Variants in ITFG1 observed in about 807,000 individuals in gnomAD.
ITFG1 encodes the protein integrin alpha FG-GAP repeat containing 1.
ITFG1 carries 34 observed loss-of-function variants against 81.8 expected under a neutral mutation model. The ratio of observed to expected loss-of-function variants is 0.42; its 90% CI spans 0.32 to 0.55. ITFG1 has a LOEUF of 0.55. ITFG1 is among the 20% of genes least tolerant of loss of function. The pLI is 0.17. For missense variants in ITFG1, 672 were observed against 755.4 expected (o/e 0.89, Z 1.29); for synonymous variants, 285 against 270.6 (o/e 1.05, Z -0.52).
intron 8 of ITFG1, among the ~76,000 whole-genome samples, chr16:47,362,198 C>T (rs563209501): frequency 6.6e-6 from 1 of 152,276 alleles, no homozygotes; most frequent in Admixed American, 6.5e-5. Context: ...AGCTCCGGCT[C>T]TCACCACCTC....
In ITFG1 at chr16:47,420,053, A is replaced by G. The variant is rs147543043; in HGVS notation, c.655+8751T>C. ...TGCAGCTCAATCCCAAAGTGCTGAG[A>G]TTACAGGCACGAGCCACCATGCCCT... On this transcript the variant is annotated intron_variant, in intron 6 of 17. Transcript: ENST00000320640. Among the ~76,000 whole-genome samples, 1,139 of 151,374 alleles carry G rather than the reference A, an allele frequency of 7.5e-3. 19 individuals carry two copies. Among genetic ancestry groups the G allele is most frequent in the African/African-American group, 0.026 (1,080 of 41,188 alleles).
At chr16:47,270,144 G>A (rs1360297480) in intron 10 of ITFG1, among the ~76,000 whole-genome samples, 1 of 152,116 alleles carries the variant, frequency 6.6e-6, no homozygotes, top group East Asian at 1.9e-4. Flanking sequence ...AAAACATTGT[G>A]TTAGGTAATG....
intron 6 of ITFG1, among the ~76,000 whole-genome samples, chr16:47,417,975 T>C (rs1014121680): frequency 6.6e-6 from 1 of 152,202 alleles, no homozygotes; most frequent in African/African-American, 2.4e-5. Context: ...ATAATGGCTG[T>C]ACTAATTTAC....
chr16:47,207,886 G>C (rs1567423661), intron 14 of ITFG1, among the ~76,000 whole-genome samples: 1 of 146,470 alleles, frequency 6.8e-6, no homozygotes, highest in Non-Finnish European at 1.5e-5. Flanking sequence ...GTACCAGACA[G>C]AGTGAAATCA....
At position 47,182,858 on chromosome 16, in the gene ITFG1, C is replaced by T. The variant is rs561420986; in HGVS notation, c.1454-20194G>A. Among the ~76,000 whole-genome samples the T allele has an allele frequency of 5.4e-4, 82 of 152,258 alleles. No individual in the cohort carries two copies. The South Asian group carries it at 0.011, about 21-fold the overall frequency. On this transcript the variant is annotated intron_variant, in intron 14 of 17. Transcript: ENST00000320640. ...ATTTCTGCATTTCCATCTGAGGTAC[C>T]GGGTTCATCTCACTAGGGAGTGCCA... is the stretch of plus-strand genomic sequence containing the variant.
intron 10 of ITFG1, among the ~76,000 whole-genome samples, chr16:47,261,351 TATA>T (rs1209431983): frequency 2.6e-5 from 4 of 152,230 alleles, no homozygotes; most frequent in Admixed American, 2.6e-4. Flanking sequence ...TTGTAAGCTG[TATA>T]ATAAGAGTAC....
intron 10 of ITFG1, among the ~76,000 whole-genome samples, chr16:47,261,285 T>C (rs1966206704): frequency 6.6e-6 from 1 of 152,218 alleles, no homozygotes; most frequent in Non-Finnish European, 1.5e-5. Context: ...GCTCTGTTAT[T>C]TAGCAGCTCT....
chr16:47,326,771 T>C (rs1177553227), intron 8 of ITFG1, among the ~76,000 whole-genome samples: 1 of 152,110 alleles, frequency 6.6e-6, no homozygotes, highest in Non-Finnish European at 1.5e-5. Context: ...TTACAAAGGA[T>C]GTGAAGGACC....
chr16:47,269,340 G>A (rs180719324), intron 10 of ITFG1, among the ~76,000 whole-genome samples: 1 of 151,854 alleles, frequency 6.6e-6, no homozygotes, highest in East Asian at 1.9e-4. Context: ...CAAGAACAAT[G>A]GAAACTGAAA....
At chr16:47,341,850 A>C (rs937990365) in intron 8 of ITFG1, among the ~76,000 whole-genome samples, 6 of 152,200 alleles carry the variant, frequency 3.9e-5, no homozygotes, top group Non-Finnish European at 8.8e-5. Flanking sequence ...AAAAATACTG[A>C]AATTACCTAA....
chr16:47,294,947 G>A (rs747446237), intron 10 of ITFG1, among the ~76,000 whole-genome samples: 6 of 152,116 alleles, frequency 3.9e-5, no homozygotes, highest in East Asian at 3.9e-4. Flanking sequence ...CCAGTTCTTC[G>A]GGGAAGAGCT....
chr16:47,171,184 T>G (rs1017011677), intron 14 of ITFG1, among the ~76,000 whole-genome samples: 1 of 151,960 alleles, frequency 6.6e-6, no homozygotes, highest in Non-Finnish European at 1.5e-5. Context: ...ATGGCTAATT[T>G]TTTTGTAGAG....
chr16:47,343,951 T>C (rs1472334079), intron 8 of ITFG1, among the ~76,000 whole-genome samples: 1 of 152,036 alleles, frequency 6.6e-6, no homozygotes, highest in African/African-American at 2.4e-5. Context: ...ATAATCAAAA[T>C]GGAAATGAAG....
At chr16:47,427,799 C>G (rs920574010) in intron 6 of ITFG1, among the ~76,000 whole-genome samples, 2 of 152,176 alleles carry the variant, frequency 1.3e-5, no homozygotes, top group Non-Finnish European at 1.5e-5. Flanking sequence ...CGGAGAAAAT[C>G]TGGGCATTTT....
rs1187875461 is a variant in ITFG1 at position 47,409,374 on chromosome 16, CTATA to C, written c.655+19426_655+19429del. ...ACATAACAAGACACATACACACACA[CTATA>C]TATATATATATATATATATATATAT... On this transcript the variant is annotated intron_variant, in intron 6 of 17. Transcript: ENST00000320640. 5.7e-3 allele frequency among the ~76,000 whole-genome samples: 119 copies of C among 20,986 alleles called. 5 individuals are homozygous for C. Among genetic ancestry groups the C allele is most frequent in the African/African-American group, 0.016 (59 of 3,754 alleles). 13.8% of individuals were successfully genotyped at this position (20,986 alleles called of 152,430 possible).
intron 10 of ITFG1, among the ~76,000 whole-genome samples, chr16:47,283,668 GCT>G (rs1275332368): frequency 1.3e-5 from 2 of 152,202 alleles, no homozygotes; most frequent in Admixed American, 1.3e-4. Context: ...AACAAGTGGT[GCT>G]AACACTTCGA....
chr16:47,327,972 G>A (rs1002785607), intron 8 of ITFG1, among the ~76,000 whole-genome samples: 4 of 152,230 alleles, frequency 2.6e-5, no homozygotes, highest in South Asian at 2.1e-4. Context: ...CCCATTACTG[G>A]CTATATACCC....
At chr16:47,372,419 A>C (rs1289403805) in intron 7 of ITFG1, among the ~76,000 whole-genome samples, 2 of 151,286 alleles carry the variant, frequency 1.3e-5, no homozygotes, top group African/African-American at 4.9e-5. Context: ...TTTCCTGCCC[A>C]AAATTAGTTA....
chr16:47,237,561 A>G (rs1965890534), intron 13 of ITFG1, among the ~76,000 whole-genome samples: 1 of 152,214 alleles, frequency 6.6e-6, no homozygotes, highest in South Asian at 2.1e-4. Context: ...CTACACACAA[A>G]AAAGTCACTA....
Sources: allele counts gnomAD v4.1 joint callset (sites outside exome capture counted in the v4.1 genomes callset), GRCh38; gene constraint gnomAD v4.1.1; transcripts MANE v1.5; gene names NCBI Gene and HGNC (gene_info 2026-07-23, HGNC 2026-07-21).